The following IL1RAPL2 variants were observed in gnomAD, a reference collection of about 807,000 sequenced individuals.
IL1RAPL2 encodes X-linked interleukin-1 receptor accessory protein-like 2.
IL1RAPL2 carries 3 observed loss-of-function variants against 44.1 expected under a neutral mutation model. That is an observed-to-expected ratio of 0.07 (90% CI 0.03 to 0.18). IL1RAPL2 has a LOEUF of 0.18. Ranked by LOEUF, IL1RAPL2 falls within the 10% of genes least tolerant of loss-of-function variation. The probability of loss-of-function intolerance (pLI) is 1.00; values close to 1 mark genes in which losing one functional copy is unlikely to be tolerated. For synonymous variants in IL1RAPL2, 181 were observed against 178.8 expected (o/e 1.01, Z -0.10); for missense variants, 391 against 496.4 (o/e 0.79, Z 2.02).
intron 5 of IL1RAPL2, among the ~76,000 whole-genome samples, chrX:105,426,196 T>TG (rs2035809289): frequency 9.1e-6 from 1 of 110,178 alleles, no homozygotes; most frequent in African/African-American, 3.3e-5. Context: ...AATGAATGAA[T>TG]GGTGAGGCTC....
chrX:105,596,832 G>A lies in IL1RAPL2; in HGVS notation c.772+112445G>A, dbSNP rs115857631. On this transcript the variant is annotated intron_variant, in intron 6 of 10. Transcript: ENST00000372582. ...AAAAATAAACTCAAAATGCATTAAA[G>A]ACCTAAAAGTAAGTCCTGAGATTAT... Among the ~76,000 whole-genome samples the A allele has an allele frequency of 4.7e-3, 522 of 111,574 alleles. 5 individuals are homozygous for A. Among genetic ancestry groups the A allele is most frequent in the African/African-American group, 0.016 (498 of 30,713 alleles).
chrX:105,468,913 T>G (rs2036148396), intron 5 of IL1RAPL2, among the ~76,000 whole-genome samples: 1 of 111,916 alleles, frequency 8.9e-6, no homozygotes, highest in Non-Finnish European at 1.9e-5. Context: ...TAGTTTGGAA[T>G]GATGGGTTGA....
At chrX:105,567,797 C>G (rs913028218) in intron 6 of IL1RAPL2, among the ~76,000 whole-genome samples, 1 of 110,379 alleles carries the variant, frequency 9.1e-6, no homozygotes, top group African/African-American at 3.3e-5. Flanking sequence ...ATTATTGGTG[C>G]CTTAGAAATT....
chrX:104,629,991 T>G (rs1252611511), intron 1 of IL1RAPL2, among the ~76,000 whole-genome samples: 1 of 111,290 alleles, frequency 9.0e-6, no homozygotes, highest in Non-Finnish European at 1.9e-5. Flanking sequence ...TTTTTTTGTT[T>G]GTTTGTTTTT....
intron 2 of IL1RAPL2, among the ~76,000 whole-genome samples, chrX:104,823,768 C>T (rs895416430): frequency 8.9e-6 from 1 of 111,974 alleles, no homozygotes; most frequent in African/African-American, 3.2e-5. Flanking sequence ...AGTTGCTAGT[C>T]AGCTTAAGGA....
chrX:104,853,675 G>A (rs1372856378), intron 2 of IL1RAPL2, among the ~76,000 whole-genome samples: 12 of 109,446 alleles, frequency 1.1e-4, no homozygotes, highest in Non-Finnish European at 2.3e-4. Flanking sequence ...AGGCCGAGGC[G>A]GGCGGATCAC....
intron 2 of IL1RAPL2, among the ~76,000 whole-genome samples, chrX:104,882,398 T>C (rs1329455109): frequency 8.9e-6 from 1 of 112,306 alleles, no homozygotes; most frequent in Non-Finnish European, 1.9e-5. Context: ...TATTTATTGC[T>C]GAATAACATA....
At chrX:104,905,242 A>T (rs188025415) in intron 2 of IL1RAPL2, among the ~76,000 whole-genome samples, 1 of 111,171 alleles carries the variant, frequency 9.0e-6, no homozygotes. Flanking sequence ...ATTTTCTCCC[A>T]TTTTGTAGGT....
At chrX:105,217,268 A>G (rs782001643) in intron 3 of IL1RAPL2, among the ~76,000 whole-genome samples, 4 of 111,352 alleles carry the variant, frequency 3.6e-5, no homozygotes, top group Non-Finnish European at 7.5e-5. Context: ...AAAAAAACAA[A>G]CAACCCCATC....
rs1362799848 is a variant in IL1RAPL2 at position 105,447,312 on chromosome X, A to T, written c.698-37001A>T. Among the ~76,000 whole-genome samples, 183 of 60,652 alleles carry T rather than the reference A, an allele frequency of 3.0e-3. 1 individual carries two copies. The highest frequency in any genetic ancestry group is 0.012 in the African/African-American group (168 of 14,140). 52.7% of individuals were successfully genotyped at this position (60,652 alleles called of 115,157 possible). On this transcript the variant is annotated intron_variant, in intron 5 of 10. Transcript: ENST00000372582. ...AAATATAAATATATATATAAATATA[A>T]ATATATATAAATATATATAAAAATA...
chrX:105,079,180 A>G (rs1380452390), intron 2 of IL1RAPL2, among the ~76,000 whole-genome samples: 1 of 111,650 alleles, frequency 9.0e-6, no homozygotes, highest in Non-Finnish European at 1.9e-5. Context: ...GTCATGCTGG[A>G]GAGGTTGTAG....
At chrX:104,807,508 A>C (rs1053647840) in intron 2 of IL1RAPL2, among the ~76,000 whole-genome samples, 3 of 111,743 alleles carry the variant, frequency 2.7e-5, no homozygotes, top group African/African-American at 6.5e-5. Flanking sequence ...TTTTCCTTTG[A>C]AAATGCTCAA....
chrX:105,196,313 C>T (rs1311703516), intron 3 of IL1RAPL2, among the ~76,000 whole-genome samples: 1 of 110,966 alleles, frequency 9.0e-6, no homozygotes, highest in African/African-American at 3.3e-5. Flanking sequence ...AGAAAATTTT[C>T]TGACTCATTT....
At chrX:105,069,283 T>G (rs768476050) in intron 2 of IL1RAPL2, among the ~76,000 whole-genome samples, 1 of 112,706 alleles carries the variant, frequency 8.9e-6, no homozygotes, top group Non-Finnish European at 1.9e-5. Context: ...TAAAATCCAC[T>G]TTACATTTAT....
At chrX:104,961,626 C>T (rs2030008600) in intron 2 of IL1RAPL2, among the ~76,000 whole-genome samples, 1 of 111,555 alleles carries the variant, frequency 9.0e-6, no homozygotes, top group Non-Finnish European at 1.9e-5. Flanking sequence ...TCCAAGAACT[C>T]TCAATTCAAC....
intron 2 of IL1RAPL2, among the ~76,000 whole-genome samples, chrX:104,919,222 T>A (rs1381534282): frequency 7.6e-5 from 2 of 26,294 alleles, no homozygotes; most frequent in Non-Finnish European, 1.9e-4. Context: ...CACTTTTTCT[T>A]TCTTTTTTTT....
intron 2 of IL1RAPL2, among the ~76,000 whole-genome samples, chrX:104,836,710 A>G (rs2147632291): frequency 9.0e-6 from 1 of 111,573 alleles, no homozygotes; most frequent in South Asian, 3.8e-4. Flanking sequence ...AATATACACA[A>G]TTCTTTATTT....
chrX:105,088,439 A>G (rs1451347597), intron 2 of IL1RAPL2, among the ~76,000 whole-genome samples: 2 of 111,836 alleles, frequency 1.8e-5, no homozygotes, highest in Non-Finnish European at 3.8e-5. Flanking sequence ...TTTCATAGAT[A>G]TATCCTTTCA....
chrX:104,962,549 C>T (rs369522572), intron 2 of IL1RAPL2, among the ~76,000 whole-genome samples: 7 of 111,954 alleles, frequency 6.3e-5, no homozygotes, highest in African/African-American at 1.6e-4. Flanking sequence ...ACTAAATGTG[C>T]GTAGCTAAAG....
Sources: allele counts gnomAD v4.1 joint callset (sites outside exome capture counted in the v4.1 genomes callset), GRCh38; gene constraint gnomAD v4.1.1; transcripts MANE v1.5; gene names NCBI Gene and HGNC (gene_info 2026-07-23, HGNC 2026-07-21).